Variants in VWA8 observed in about 807,000 individuals in gnomAD.
The protein encoded by VWA8 is von Willebrand factor A domain containing 8.
VWA8 carries 221 observed loss-of-function variants against 241.5 expected under a neutral mutation model. The ratio of observed to expected loss-of-function variants is 0.91; its 90% CI spans 0.82 to 1.02. The LOEUF (loss-of-function observed/expected upper bound fraction) is 1.02, where lower values mean the gene tolerates loss of function less well. Among genes scored for constraint, VWA8 ranks in the 50% least tolerant of loss-of-function variants. VWA8 has a pLI of 0.00. For missense variants in VWA8, 2,322 were observed against 2,328.7 expected (o/e 1.00, Z 0.06); for synonymous variants, 852 against 827.1 (o/e 1.03, Z -0.52).
At chr13:41,591,772 T>C (rs1435138401) in intron 40 of VWA8, among the ~76,000 whole-genome samples, 4 of 147,442 alleles carry the variant, frequency 2.7e-5, no homozygotes, top group African/African-American at 1.0e-4. Flanking sequence ...TGAGATACCA[T>C]CTCACACCAG....
At chr13:41,924,025 A>T (rs1876700854) in intron 2 of VWA8, among the ~76,000 whole-genome samples, 1 of 152,120 alleles carries the variant, frequency 6.6e-6, no homozygotes, top group African/African-American at 2.4e-5. Context: ...TGACACCACC[A>T]AAGGAACATA....
chr13:41,760,757 G>A (rs1394699725), intron 21 of VWA8, among the ~76,000 whole-genome samples: 1 of 151,896 alleles, frequency 6.6e-6, no homozygotes, highest in African/African-American at 2.4e-5. Flanking sequence ...TCATACCTGA[G>A]ATTCATATAG....
chr13:41,580,382 C>T (rs2044375103), intron 42 of VWA8, among the ~76,000 whole-genome samples: 1 of 152,198 alleles, frequency 6.6e-6, no homozygotes, highest in Non-Finnish European at 1.5e-5. Flanking sequence ...GACTGATCTC[C>T]ATTTCTAAAC....
intron 29 of VWA8, 63 bp downstream of exon 29, chr13:41,699,008 T>C (rs2045232077): frequency 1.2e-6 from 2 of 1,601,948 alleles, no homozygotes; most frequent in Non-Finnish European, 1.7e-6. Context: ...GTTATAGGTT[T>C]CTAATCACTC....
intron 21 of VWA8, among the ~76,000 whole-genome samples, chr13:41,751,788 A>C (rs2045658109): frequency 6.6e-6 from 1 of 152,216 alleles, no homozygotes; most frequent in South Asian, 2.1e-4. Context: ...TAATGACCTC[A>C]GTTGGTTAGA....
chr13:41,773,843 A>G (rs1337848944), intron 20 of VWA8, among the ~76,000 whole-genome samples: 3 of 152,214 alleles, frequency 2.0e-5, no homozygotes, highest in African/African-American at 7.2e-5. Flanking sequence ...AGAAATTTAA[A>G]AATAATTAGC....
chr13:41,774,747 C>G (rs748865559), intron 20 of VWA8, among the ~76,000 whole-genome samples: 28 of 151,966 alleles, frequency 1.8e-4, no homozygotes, highest in Non-Finnish European at 3.5e-4. Context: ...CCATGCCAAG[C>G]CTATAATTTT....
At chr13:41,757,365 G>A (rs1029546906) in intron 21 of VWA8, among the ~76,000 whole-genome samples, 10 of 151,718 alleles carry the variant, frequency 6.6e-5, no homozygotes, top group Non-Finnish European at 1.0e-4. Context: ...ACCATGAGAA[G>A]ATATAAAAAT....
At chr13:41,848,537 A>G (rs1161600742) in intron 12 of VWA8, among the ~76,000 whole-genome samples, 1 of 152,068 alleles carries the variant, frequency 6.6e-6, no homozygotes, top group Non-Finnish European at 1.5e-5. Context: ...GTGAGTTCTC[A>G]TGAGATATGA....
intron 12 of VWA8, among the ~76,000 whole-genome samples, chr13:41,834,096 T>A (rs1271084721): frequency 6.6e-6 from 1 of 152,216 alleles, no homozygotes; most frequent in Non-Finnish European, 1.5e-5. Context: ...AGGACAGTCA[T>A]CAGATGAGGT....
chr13:41,842,307 T>A (rs977493765), intron 12 of VWA8, among the ~76,000 whole-genome samples: 2 of 152,212 alleles, frequency 1.3e-5, no homozygotes, highest in African/African-American at 4.8e-5. Context: ...GCCTCTCATT[T>A]TACATATATT....
intron 24 of VWA8, 73 bp from the exon 25 acceptor site, chr13:41,721,648 T>C: frequency 6.8e-7 from 1 of 1,474,380 alleles, no homozygotes; most frequent in Non-Finnish European, 9.1e-7. Flanking sequence ...AATGGAATGG[T>C]TGTTTAAAGA....
rs567877262 is a variant in VWA8 at position 41,789,209 on chromosome 13, T to C, written c.2064-1666A>G. On this transcript the variant is annotated intron_variant, in intron 17 of 44. Coordinates refer to ENST00000379310, the MANE Select transcript of VWA8 (RefSeq NM_015058.2). The stretch of plus-strand genomic sequence containing the variant: ...GGCCAATCCTAATTTTTTTCCTGGA[T>C]TTTAAGGGATTTGTTAACTGTTTCC... 7.9e-4 allele frequency among the ~76,000 whole-genome samples: 120 copies of C among 152,246 alleles called. 1 individual carries two copies. The highest frequency in any genetic ancestry group is 5.2e-3 in the South Asian group (25 of 4,824).
chr13:41,838,109 C>A (rs1433787349), intron 12 of VWA8, among the ~76,000 whole-genome samples: 1 of 152,056 alleles, frequency 6.6e-6, no homozygotes, highest in East Asian at 1.9e-4. Context: ...AAATGAGAAG[C>A]ACAACTCAAG....
chr13:41,641,800 T>TG (rs200122247), intron 37 of VWA8, among the ~76,000 whole-genome samples: 2 of 143,212 alleles, frequency 1.4e-5, no homozygotes, highest in Non-Finnish European at 3.1e-5. Context: ...AAGATTTTTA[T>TG]GGGAAAAAAA....
chr13:41,939,390 C>T (rs1302499949), intron 2 of VWA8, among the ~76,000 whole-genome samples: 4 of 152,094 alleles, frequency 2.6e-5, no homozygotes, highest in Non-Finnish European at 4.4e-5. Context: ...AGCATTTATC[C>T]ACTTCAACAC....
chr13:41,599,448 T>C (rs1223128408), intron 40 of VWA8, among the ~76,000 whole-genome samples: 6 of 152,210 alleles, frequency 3.9e-5, no homozygotes, highest in African/African-American at 1.4e-4. Context: ...AAGAATATTC[T>C]ATCCCAGCAG....
At chr13:41,685,423 A>T (rs1258952984) in intron 34 of VWA8, among the ~76,000 whole-genome samples, 181 bp from the exon 35 acceptor site, 1 of 152,166 alleles carries the variant, frequency 6.6e-6, no homozygotes, top group Non-Finnish European at 1.5e-5. Flanking sequence ...TGGGAGGCCA[A>T]GGTTGGTGGA....
At chr13:41,590,575 A>G (rs759418828) in intron 41 of VWA8, 65 bp downstream of exon 41, 5 of 1,500,272 alleles carry the variant, frequency 3.3e-6, no homozygotes, top group Non-Finnish European at 2.7e-6. Context: ...CAACTCACGA[A>G]AGCAAGTTTC....
Sources: gnomAD v4.1 joint callset for allele counts (sites outside exome capture counted in the v4.1 genomes callset) on GRCh38, gnomAD v4.1.1 for gene constraint, MANE v1.5 for transcripts, NCBI Gene and HGNC (gene_info 2026-07-23, HGNC 2026-07-21) for gene names.